Variants in RGS3 observed in about 807,000 individuals in gnomAD.
RGS3 encodes regulator of G-protein signalling 3.
Under a neutral mutation model 132.6 loss-of-function variants are expected in RGS3, and 80 were observed. The observed-to-expected ratio is 0.60, with a 90% CI of 0.50 to 0.73. The LOEUF (loss-of-function observed/expected upper bound fraction) is 0.73. RGS3 is among the 30% of genes least tolerant of loss of function. The pLI is 0.00. For synonymous variants in RGS3, 598 were observed against 620.6 expected, an observed-to-expected ratio of 0.96 and a Z score of 0.54; for missense variants, 1,382 against 1,530.8, an observed-to-expected ratio of 0.90 and a Z score of 1.62.
intron 19 of RGS3, among the ~76,000 whole-genome samples, chr9:113,552,823 A>G (rs923860697): frequency 2.6e-5 from 4 of 152,230 alleles, no homozygotes; most frequent in African/African-American, 2.4e-5. Flanking sequence ...AAAGAATTTC[A>G]TATAGGTCTT....
intron 19 of RGS3, among the ~76,000 whole-genome samples, chr9:113,556,678 A>G (rs550814089): frequency 5.8e-4 from 88 of 151,666 alleles, no homozygotes; most frequent in Non-Finnish European, 1.1e-3. Context: ...TCCCCCCAGC[A>G]CTCTGTAGTG....
chr9:113,557,219 A>G (rs1833604047), intron 19 of RGS3, among the ~76,000 whole-genome samples: 1 of 152,260 alleles, frequency 6.6e-6, no homozygotes, highest in Admixed American at 6.5e-5. Flanking sequence ...AGTTGGATTC[A>G]GAGCCTTGAG....
In RGS3 at chr9:113,583,959, C is replaced by A. The variant is rs1369779226; in HGVS notation, c.2547C>A (p.Ala849=). 5 of 1,613,976 alleles carry A rather than the reference C, an allele frequency of 3.1e-6. No individual in the cohort carries two copies. The African/African-American group carries it at 5.3e-5, about 17-fold the overall frequency. The change falls in exon 20 of 25, where the codon GCC becomes GCA. Residue 849 remains alanine, a synonymous_variant. Coordinates refer to ENST00000350696, the Ensembl canonical transcript of RGS3. Reference sequence around the variant, plus strand: ...CAGCTACTGGGGACCCACCTGCGGCCCCCAGGCCAGCCTTCGTGATCCCTG... The same window carrying A: ...CAGCTACTGGGGACCCACCTGCGGCACCCAGGCCAGCCTTCGTGATCCCTG...
chr9:113,578,272 C>A (rs964594597), intron 19 of RGS3, among the ~76,000 whole-genome samples: 1 of 152,120 alleles, frequency 6.6e-6, no homozygotes, highest in Non-Finnish European at 1.5e-5. Flanking sequence ...CCATGGCTAT[C>A]GTTTATTGAG....
chr9:113,492,707 T>C (rs1051660850), intron 7 of RGS3, among the ~76,000 whole-genome samples: 1 of 152,200 alleles, frequency 6.6e-6, no homozygotes, highest in African/African-American at 2.4e-5. Context: ...GACTGCTGTA[T>C]TGTCATATAC....
chr9:113,586,023 T>TC (rs577226310), intron 20 of RGS3, among the ~76,000 whole-genome samples: 1 of 152,196 alleles, frequency 6.6e-6, no homozygotes, highest in South Asian at 2.1e-4. Context: ...TGATTCCTAG[T>TC]CCCCATACCC....
At chr9:113,540,087 T>C (rs1027777989) in intron 19 of RGS3, among the ~76,000 whole-genome samples, 2 of 152,012 alleles carry the variant, frequency 1.3e-5, no homozygotes, top group Non-Finnish European at 2.9e-5. Context: ...AACTTCCTAC[T>C]CCTGTTCATC....
chr9:113,530,085 G>A (rs1832400370), intron 18 of RGS3, among the ~76,000 whole-genome samples: 2 of 152,200 alleles, frequency 1.3e-5, no homozygotes, highest in African/African-American at 4.8e-5. Context: ...CTCTGCCTTC[G>A]CTTAAGTTTG....
At chr9:113,575,829 C>T (rs1345168227) in intron 19 of RGS3, among the ~76,000 whole-genome samples, 3 of 152,196 alleles carry the variant, frequency 2.0e-5, no homozygotes, top group African/African-American at 7.2e-5. Context: ...AGATACTCCT[C>T]AGGTGATTCT....
At chr9:113,554,444 T>A (rs1427520078) in intron 19 of RGS3, among the ~76,000 whole-genome samples, 1 of 152,230 alleles carries the variant, frequency 6.6e-6, no homozygotes, top group Non-Finnish European at 1.5e-5. Context: ...TAACTGGGAC[T>A]ACAGGCACAC....
chr9:113,563,921 G>T (rs1285171137), intron 19 of RGS3, among the ~76,000 whole-genome samples: 2 of 152,172 alleles, frequency 1.3e-5, no homozygotes, highest in East Asian at 1.9e-4. Context: ...CTTCAGCCTA[G>T]GTGGCCAAGG....
At chr9:113,447,027 C>G (rs766230153) in intron 1 of RGS3, among the ~76,000 whole-genome samples, 1 of 151,588 alleles carries the variant, frequency 6.6e-6, no homozygotes, top group Non-Finnish European at 1.5e-5. Flanking sequence ...TTTGGAAAGC[C>G]GAGGTGGGTG....
rs780031386 is a variant in RGS3 at position 113,579,065 on chromosome 9, AC to A, written c.2038-4381del. On this transcript the variant is annotated intron_variant, in intron 19 of 24. Transcript: ENST00000350696. The surrounding 1 kb of genome is among the most constrained non-coding windows in gnomAD (Gnocchi z 4.3). The stretch of plus-strand genomic sequence containing the variant: ...AAGGGCCACCCTGAGACAGAGGCAA[AC>A]CCCAGTTTACACCCCCCCAGTGCAG... Among the ~76,000 whole-genome samples the A allele has an allele frequency of 2.7e-4, 41 of 149,486 alleles. No homozygotes were observed. The highest frequency in any genetic ancestry group is 4.0e-4 in the Admixed American group (6 of 15,188).
rs1377630561 is a variant in RGS3 at position 113,584,534 on chromosome 9, GC to G, written c.3015+108del. 7 of 1,272,474 alleles carry G rather than the reference GC, an allele frequency of 5.5e-6. No individual in the cohort carries two copies. The African/African-American group carries it at 9.0e-5, about 16-fold the overall frequency. The allele number at this position is 1,272,474 out of a possible 1,614,324, so 78.8% of individuals were successfully genotyped here. The stretch of plus-strand genomic sequence containing the variant: ...ACCATGTTCCACCCCCACTATCCTG[GC>G]AGCCTCCCAGCGAACTTTCCACCTG... On this transcript the variant is annotated intron_variant, in intron 20 of 24. Coordinates refer to ENST00000350696, the Ensembl canonical transcript of RGS3.
intron 19 of RGS3, among the ~76,000 whole-genome samples, chr9:113,548,176 G>C (rs2118723189): frequency 6.6e-6 from 1 of 152,342 alleles, no homozygotes; most frequent in East Asian, 1.9e-4. Flanking sequence ...GAAACCAAGT[G>C]AAAGAGGCAA....
In RGS3 at chr9:113,591,382, G is replaced by T; in HGVS notation, c.3065G>T (p.Arg1022Ile). The change falls in exon 21 of 25, where the codon AGA (arginine) becomes ATA (isoleucine). Residue 1022 changes from arginine (R) to isoleucine (I), a missense_variant. Transcript: ENST00000350696. This position sits in a 1 kb window ranked among gnomAD's most constrained non-coding sequence, Gnocchi z 4.4. ...GATGATGACGAAGCCTCCCGGAAGA[G>T]AAAGAGCAAAAACCTGTACGTTGGG... The T allele has an allele frequency of 6.2e-7, 1 of 1,613,676 alleles. No individual in the cohort carries two copies. The highest frequency in any genetic ancestry group is 8.5e-7 in the Non-Finnish European group (1 of 1,179,954).
chr9:113,482,817 G>C lies in RGS3; in HGVS notation c.467-242G>C, dbSNP rs1412896679. 8.7e-6 allele frequency: 7 copies of C among 804,972 alleles called. No homozygotes were observed. In the East Asian group the frequency reaches 1.2e-4, roughly 13 times the overall value. The allele number at this position is 804,972 out of a possible 1,614,324, so 49.9% of individuals were successfully genotyped here. A position where few individuals can be genotyped will look rare whatever the true frequency, so the allele number is the denominator to read the frequency against. Reference sequence around the variant, plus strand: ...ATGTACCTCGTAATGCATTGGTGAGGGTGCTGCCAGAGAGTGGAAGATGGT... The same window carrying C: ...ATGTACCTCGTAATGCATTGGTGAGCGTGCTGCCAGAGAGTGGAAGATGGT... On this transcript the variant is annotated intron_variant, in intron 4 of 24. Coordinates refer to ENST00000350696, the Ensembl canonical transcript of RGS3.
chr9:113,477,092 A>G (rs1439049997), intron 3 of RGS3, among the ~76,000 whole-genome samples: 1 of 152,054 alleles, frequency 6.6e-6, no homozygotes, highest in Non-Finnish European at 1.5e-5. Context: ...TCTCAGCTCT[A>G]GGAAGCCACA....
In RGS3 at chr9:113,497,277, CCTGTGT is replaced by C. The variant is rs765688062; in HGVS notation, c.751-33_751-28del. 13 of 1,546,762 alleles carry C rather than the reference CCTGTGT, an allele frequency of 8.4e-6. No individual in the cohort carries two copies. In the South Asian group the frequency reaches 1.5e-4, roughly 17 times the overall value. On this transcript the variant is annotated intron_variant, in intron 8 of 24. Coordinates refer to ENST00000350696, the Ensembl canonical transcript of RGS3. Reference sequence around the variant, plus strand: ...GGCTGCCTGACCTGTGCTTCTGCCTCCTGTGTCTGAGCGTGCCATTCCTTCTCTCGT... The same window carrying C: ...GGCTGCCTGACCTGTGCTTCTGCCTCCTGAGCGTGCCATTCCTTCTCTCGT...
Sources: allele counts gnomAD v4.1 joint callset (sites outside exome capture counted in the v4.1 genomes callset), GRCh38; gene constraint gnomAD v4.1.1; non-coding constraint Gnocchi (gnomAD v3.1); transcripts MANE v1.5; gene names NCBI Gene and HGNC (gene_info 2026-07-23, HGNC 2026-07-21).